The following TNFSF11 variants were observed in gnomAD, a reference collection of about 807,000 sequenced individuals.
The protein encoded by TNFSF11 is tumor necrosis factor ligand superfamily member 11.
Under a neutral mutation model 32.2 loss-of-function variants are expected in TNFSF11, and 12 were observed. The observed-to-expected ratio is 0.37, with a 90% CI of 0.24 to 0.60. The LOEUF (loss-of-function observed/expected upper bound fraction) is 0.60. Among genes scored for constraint, TNFSF11 ranks in the 20% least tolerant of loss-of-function variants. The pLI, the probability that TNFSF11 is intolerant of heterozygous loss-of-function variation, is 0.66. For missense variants in TNFSF11, 345 were observed against 398.0 expected (o/e 0.87, Z 1.13); for synonymous variants, 172 against 152.1 (o/e 1.13, Z -0.96).
At chr13:42,600,655 G>A (rs1869119424) in intron 2 of TNFSF11, 97 bp from the exon 3 acceptor site, 5 of 1,309,042 alleles carry the variant, frequency 3.8e-6, no homozygotes, top group Admixed American at 2.0e-5. Flanking sequence ...GGAAGGAAAA[G>A]AGGGTTAATT....
chr13:42,606,909 T>C lies in TNFSF11; in HGVS notation c.945T>C (p.Asp315=). Residue 315 remains aspartate (D), a synonymous_variant, in exon 5 of 5, where the codon GAT becomes GAC. Coordinates refer to ENST00000398795, the MANE Select transcript of TNFSF11 (RefSeq NM_003701.4). The part of the protein sequence containing the change: ...ATYFGAFKVR[D]ID ...ACTTTGGGGCTTTTAAAGTTCGAGA[T>C]ATAGATTGAGCCCCAGTTTTTGGAG... 8 of 1,614,148 alleles carry C rather than the reference T, an allele frequency of 5.0e-6. No homozygotes were observed. Among genetic ancestry groups the C allele is most frequent in the Non-Finnish European group, 6.8e-6 (8 of 1,180,014 alleles).
At chr13:42,590,887 G>A (rs1004831804) in intron 2 of TNFSF11, among the ~76,000 whole-genome samples, 15 of 152,310 alleles carry the variant, frequency 9.8e-5, no homozygotes, top group African/African-American at 3.4e-4. Context: ...CCCAGGAAAA[G>A]CATCAGTCTG....
chr13:42,589,539 A>G (rs965439050), intron 2 of TNFSF11, among the ~76,000 whole-genome samples: 4 of 152,214 alleles, frequency 2.6e-5, no homozygotes, highest in Admixed American at 6.5e-5. Context: ...GCTGCTGAAC[A>G]TGTAACAAAA....
At chr13:42,564,122 TA>T (rs1209337746) in intron 1 of TNFSF11, among the ~76,000 whole-genome samples, 2 of 152,022 alleles carry the variant, frequency 1.3e-5, no homozygotes, top group African/African-American at 4.8e-5. Flanking sequence ...TCTAGTTAAT[TA>T]TTAATTTTAG....
chr13:42,589,425 C>T (rs1327195472), intron 2 of TNFSF11, among the ~76,000 whole-genome samples: 1 of 152,198 alleles, frequency 6.6e-6, no homozygotes, highest in East Asian at 1.9e-4. Context: ...GCCCATCCTT[C>T]CCATAGCTGA....
chr13:42,592,000 T>G (rs1219863111), intron 2 of TNFSF11, among the ~76,000 whole-genome samples: 1 of 152,142 alleles, frequency 6.6e-6, no homozygotes, highest in African/African-American at 2.4e-5. Context: ...TGATGAGGTT[T>G]GGGAGTACAG....
upstream of TNFSF11, among the ~76,000 whole-genome samples, chr13:42,571,042 CCAT>C (rs1873047833): frequency 6.6e-6 from 1 of 152,082 alleles, no homozygotes; most frequent in East Asian, 1.9e-4. Flanking sequence ...ATCTTGATCA[CCAT>C]GTTTCTAGCC....
intron 4 of TNFSF11, among the ~76,000 whole-genome samples, chr13:42,604,764 GTT>G (rs1167484965): frequency 6.6e-6 from 1 of 152,002 alleles, no homozygotes; most frequent in Non-Finnish European, 1.5e-5. Context: ...ACTAGTGTGT[GTT>G]TCCTTTTTTT....
At chr13:42,605,958 C>T (rs556831748) in intron 4 of TNFSF11, among the ~76,000 whole-genome samples, 1 of 152,330 alleles carries the variant, frequency 6.6e-6, no homozygotes, top group South Asian at 2.1e-4. Flanking sequence ...AGACTTGTGA[C>T]ATGTGGAAAT....
In TNFSF11 at chr13:42,606,817, T is replaced by A. The variant is rs774928469; in HGVS notation, c.853T>A (p.Ser285Thr). 2.5e-5 allele frequency: 41 copies of A among 1,613,560 alleles called. No homozygotes were observed. The highest frequency in any genetic ancestry group is 3.4e-5 in the Non-Finnish European group (40 of 1,179,798). Residue 285 changes from serine to threonine, a missense_variant, in exon 5 of 5, where the codon TCT (serine) becomes ACT (threonine). Transcript: ENST00000398795. Reference sequence around the variant, plus strand: ...CGTTGGTGGATTTTTTAAGTTACGGTCTGGAGAGGAAATCAGCATCGAGGT... The same window carrying A: ...CGTTGGTGGATTTTTTAAGTTACGGACTGGAGAGGAAATCAGCATCGAGGT... ...INVGGFFKLR[S>T]GEEISIEVSN...
At chr13:42,600,685 C>G (rs971565718) in intron 2 of TNFSF11, 67 bp from the exon 3 acceptor site, 2 of 1,505,134 alleles carry the variant, frequency 1.3e-6, no homozygotes, top group Middle Eastern at 2.0e-4. Context: ...TGTAACAGCC[C>G]TGAATTCTTA....
At chr13:42,580,132 C>T (rs1484344520) in intron 1 of TNFSF11, among the ~76,000 whole-genome samples, 1 of 152,134 alleles carries the variant, frequency 6.6e-6, no homozygotes, top group Non-Finnish European at 1.5e-5. Context: ...TAAGAAAATG[C>T]AGGTGAAGTA....
intron 2 of TNFSF11, among the ~76,000 whole-genome samples, chr13:42,593,320 G>A (rs1284745754): frequency 6.6e-6 from 1 of 152,194 alleles, no homozygotes; most frequent in Non-Finnish European, 1.5e-5. Context: ...CTAAGCCCTG[G>A]TAAGGAACGT....
chr13:42,584,509 C>T (rs867040434), intron 2 of TNFSF11, among the ~76,000 whole-genome samples: 4 of 152,146 alleles, frequency 2.6e-5, no homozygotes, highest in African/African-American at 9.7e-5. Context: ...TATCCCACTT[C>T]GTTTGCGATT....
At chr13:42,591,255 G>A (rs1240170847) in intron 2 of TNFSF11, among the ~76,000 whole-genome samples, 1 of 152,066 alleles carries the variant, frequency 6.6e-6, no homozygotes, top group East Asian at 1.9e-4. Context: ...AGAATTATAG[G>A]GATCAGAATG....
intron 2 of TNFSF11, among the ~76,000 whole-genome samples, chr13:42,599,380 C>CTATCTATT (rs375212233): frequency 1.7e-4 from 25 of 151,440 alleles, no homozygotes; most frequent in Non-Finnish European, 2.5e-4. Context: ...ATCTATCTAT[C>CTATCTATT]TATCTGTCTA....
At chr13:42,584,329 T>C (rs541814470) in intron 2 of TNFSF11, among the ~76,000 whole-genome samples, 1 of 152,310 alleles carries the variant, frequency 6.6e-6, no homozygotes, top group African/African-American at 2.4e-5. Context: ...AAAAAGCATA[T>C]TGTTCATCCT....
rs144019393 is a variant in TNFSF11 at position 42,587,810 on chromosome 13, G to A, written c.387+6517G>A. 5.6e-3 allele frequency among the ~76,000 whole-genome samples: 856 copies of A among 152,282 alleles called. 6 individuals carry two copies. The highest frequency in any genetic ancestry group is 9.9e-3 in the Non-Finnish European group (671 of 68,018). On this transcript the variant is annotated intron_variant, in intron 2 of 4. Transcript: ENST00000398795. ...TGGATTGCAATCTCCATTATTATAA[G>A]GAGCTCATTCCTATTTTTGAACTAA...
At position 42,574,324 on chromosome 13, in the gene TNFSF11, C is replaced by G; in HGVS notation, c.21C>G (p.Asp7Glu). Reference protein sequence around the residue: MRRASRDYTKYLRGSEE... With the variant: MRRASREYTKYLRGSEE... ...GCGCCATGCGCCGCGCCAGCAGAGA[C>G]TACACCAAGTACCTGCGTGGCTCGG... Residue 7 changes from aspartate to glutamate, a missense_variant, in exon 1 of 5, where the codon GAC becomes GAG. This residue lies in a region of TNFSF11 where 197 missense variants were observed against 182.0 expected (regional missense o/e 1.08). Transcript: ENST00000398795. The G allele has an allele frequency of 6.5e-7, 1 of 1,546,982 alleles. No homozygotes were observed.
Sources: allele counts gnomAD v4.1 joint callset (sites outside exome capture counted in the v4.1 genomes callset), GRCh38; gene constraint gnomAD v4.1.1; regional missense constraint gnomAD v4.1.1; transcripts MANE v1.5; gene names NCBI Gene and HGNC (gene_info 2026-07-23, HGNC 2026-07-21).